The following RIC1 variants were observed in gnomAD, a reference collection of about 807,000 sequenced individuals.
The protein encoded by RIC1 is guanine nucleotide exchange factor subunit RIC1.
A neutral mutation model predicts 169.0 loss-of-function variants in RIC1; 88 were observed. The observed-to-expected ratio is 0.52, with a 90% CI of 0.44 to 0.62. RIC1 has a LOEUF of 0.62. Ranked by LOEUF, RIC1 falls within the 20% of genes least tolerant of loss-of-function variation. The pLI is 0.00. For synonymous variants in RIC1, 790 were observed against 601.5 expected, an observed-to-expected ratio of 1.31 and a Z score of -4.59; for missense variants, 1,877 against 1,725.5, an observed-to-expected ratio of 1.09 and a Z score of -1.56.
At chr9:5,721,062 A>G (rs1399944236) in intron 6 of RIC1, among the ~76,000 whole-genome samples, 3 of 152,100 alleles carry the variant, frequency 2.0e-5, no homozygotes, top group Admixed American at 1.3e-4. Context: ...TTTAATTTTT[A>G]GTTCTTAGGC....
At chr9:5,680,939 G>T (rs2130641837) in intron 2 of RIC1, among the ~76,000 whole-genome samples, 1 of 141,790 alleles carries the variant, frequency 7.1e-6, no homozygotes, top group East Asian at 2.2e-4. Flanking sequence ...CCATTCTCCT[G>T]CCTCAGCCTC....
At chr9:5,688,582 T>C (rs1586951750) in intron 2 of RIC1, among the ~76,000 whole-genome samples, 1 of 152,210 alleles carries the variant, frequency 6.6e-6, no homozygotes, top group South Asian at 2.1e-4. Flanking sequence ...GATGATCTTA[T>C]CTGAAGAATT....
At chr9:5,702,802 C>T in intron 3 of RIC1, among the ~76,000 whole-genome samples, 1 of 152,150 alleles carries the variant, frequency 6.6e-6, no homozygotes, top group Non-Finnish European at 1.5e-5. Context: ...CCGACTTGGC[C>T]TCCCAAAGTG....
intron 4 of RIC1, among the ~76,000 whole-genome samples, chr9:5,716,179 C>T (rs561947248): frequency 5.9e-5 from 9 of 152,158 alleles, no homozygotes; most frequent in Non-Finnish European, 1.2e-4. Flanking sequence ...TTAACACACA[C>T]GCACACCTGG....
intron 3 of RIC1, among the ~76,000 whole-genome samples, chr9:5,708,959 G>A (rs964024101): frequency 6.6e-6 from 1 of 151,360 alleles, no homozygotes; most frequent in Non-Finnish European, 1.5e-5. Flanking sequence ...CATAGTTAAT[G>A]AAATCACTCA....
chr9:5,743,886 T>C lies in RIC1; in HGVS notation c.1095+149T>C, dbSNP rs1352070553. 8.2e-6 allele frequency: 5 copies of C among 613,480 alleles called. No homozygotes were observed. In the East Asian group the frequency reaches 1.1e-4, roughly 14 times the overall value. 38.0% of individuals were successfully genotyped at this position (613,480 alleles called of 1,614,324 possible). A position where few individuals can be genotyped will look rare whatever the true frequency, so the allele number is the denominator to read the frequency against. On this transcript the variant is annotated intron_variant, in intron 10 of 25. Coordinates refer to ENST00000414202, the MANE Select transcript of RIC1 (RefSeq NM_020829.4). ...AGAGCAGTGGCAGATCATAGCTCAC[T>C]GCAGCCTCTCTAAGCGATCCTCCTG...
rs1489325004 is a variant in RIC1, at chr9:5,738,440, G to C, written c.813-10G>C. ...TTTTCACTAAAAGTTTTTCGTTGTTGTTTTCACAGTGGTTCTGTGCAGGTC... is the reference window on the plus strand; with the variant it reads ...TTTTCACTAAAAGTTTTTCGTTGTTCTTTTCACAGTGGTTCTGTGCAGGTC... On this transcript the variant is annotated splice_polypyrimidine_tract_variant and intron_variant, in intron 7 of 25. Transcript: ENST00000414202. 6.4e-7 allele frequency: 1 copy of C among 1,567,424 alleles called. No individual in the cohort carries two copies. Among genetic ancestry groups the C allele is most frequent in the Admixed American group, 1.9e-5 (1 of 52,674 alleles).
At chr9:5,762,969 C>G (rs1166234532) in intron 18 of RIC1, among the ~76,000 whole-genome samples, 171 bp from the exon 19 acceptor site, 1 of 152,146 alleles carries the variant, frequency 6.6e-6, no homozygotes, top group Non-Finnish European at 1.5e-5. Context: ...AGTGTATATA[C>G]TTTAAAAGGC....
intron 4 of RIC1, among the ~76,000 whole-genome samples, chr9:5,715,949 G>C (rs1344146327): frequency 6.6e-6 from 1 of 152,024 alleles, no homozygotes; most frequent in Admixed American, 6.5e-5. Flanking sequence ...CTGGGCTCCA[G>C]TGATCTCACC....
intron 17 of RIC1, among the ~76,000 whole-genome samples, chr9:5,757,689 CTG>C (rs1826088159): frequency 1.3e-5 from 2 of 152,148 alleles, no homozygotes; most frequent in African/African-American, 4.8e-5. Context: ...GTACACATTA[CTG>C]TGAGAGCATT....
In RIC1 at chr9:5,716,945, A is replaced by G. The variant is rs549615840; in HGVS notation, c.440+2942A>G. Reference sequence around the variant, plus strand: ...CCTCAGCCTCCTAGTAGCTGGGATTATAGGCACAAGCCACCACGCCTGGCT... The same window carrying G: ...CCTCAGCCTCCTAGTAGCTGGGATTGTAGGCACAAGCCACCACGCCTGGCT... On this transcript the variant is annotated intron_variant, in intron 4 of 25. Coordinates refer to ENST00000414202, the MANE Select transcript of RIC1 (RefSeq NM_020829.4). 2.6e-5 allele frequency among the ~76,000 whole-genome samples: 4 copies of G among 152,316 alleles called. No homozygotes were observed. In the East Asian group the frequency reaches 7.7e-4, roughly 29 times the overall value.
intron 2 of RIC1, among the ~76,000 whole-genome samples, chr9:5,684,164 G>A (rs1201484297): frequency 6.6e-6 from 1 of 150,602 alleles, no homozygotes; most frequent in Non-Finnish European, 1.5e-5. Context: ...GCACACCCCG[G>A]TGAGATGAAC....
chr9:5,664,209 A>G (rs1187099380), intron 2 of RIC1, among the ~76,000 whole-genome samples: 1 of 152,162 alleles, frequency 6.6e-6, no homozygotes, highest in Non-Finnish European at 1.5e-5. Flanking sequence ...AGAGATCGAC[A>G]CCATCCTGGC....
chr9:5,772,794 C>T (rs1166254691), intron 24 of RIC1, 53 bp downstream of exon 24: 1 of 1,560,850 alleles, frequency 6.4e-7, no homozygotes, highest in African/African-American at 1.4e-5. Context: ...AGTATTTGGG[C>T]AAATAGGTAT....
chr9:5,661,620 AT>A (rs1819455954), intron 2 of RIC1, among the ~76,000 whole-genome samples: 1 of 152,140 alleles, frequency 6.6e-6, no homozygotes, highest in Non-Finnish European at 1.5e-5. Flanking sequence ...TTCATTCATG[AT>A]TTGGCTGTCT....
intron 3 of RIC1, among the ~76,000 whole-genome samples, chr9:5,697,905 T>C (rs1822000266): frequency 6.6e-6 from 1 of 152,352 alleles, no homozygotes; most frequent in African/African-American, 2.4e-5. Context: ...CAGGTAAATA[T>C]CTTGAAAAGT....
In RIC1 at chr9:5,746,102, C is replaced by G; in HGVS notation, c.1248+19C>G. 1 of 1,582,844 alleles carries G rather than the reference C, an allele frequency of 6.3e-7. No individual in the cohort carries two copies. Among genetic ancestry groups the G allele is most frequent in the African/African-American group, 1.3e-5 (1 of 74,702 alleles). On this transcript the variant is annotated intron_variant, in intron 11 of 25. Transcript: ENST00000414202. ...TTGTATGGTAAGTATATTTAAAGCT[C>G]TGATTTTTTAGTGTCTTTTGTGTTA...
chr9:5,752,490 G>C (rs1358916644), intron 12 of RIC1, among the ~76,000 whole-genome samples: 2 of 151,120 alleles, frequency 1.3e-5, no homozygotes, highest in African/African-American at 4.9e-5. Flanking sequence ...CCCCAGGCTG[G>C]AGTGCAGTGG....
chr9:5,713,556 G>T, intron 3 of RIC1: 1 of 199,990 alleles, frequency 5.0e-6, no homozygotes, highest in Non-Finnish European at 1.0e-5. Context: ...TTCCATAGTT[G>T]TCCACCTTAG....
Sources: gnomAD v4.1 joint callset for allele counts (sites outside exome capture counted in the v4.1 genomes callset) on GRCh38, gnomAD v4.1.1 for gene constraint, MANE v1.5 for transcripts, NCBI Gene and HGNC (gene_info 2026-07-23, HGNC 2026-07-21) for gene names.